The following LMBRD1 variants were observed in gnomAD, a reference collection of about 807,000 sequenced individuals.
The protein encoded by LMBRD1 is lysosomal cobalamin transport escort protein LMBD1.
Under a neutral mutation model 74.8 loss-of-function variants are expected in LMBRD1, and 64 were observed. The ratio of observed to expected loss-of-function variants is 0.86; its 90% CI spans 0.70 to 1.05. The LOEUF (loss-of-function observed/expected upper bound fraction) is 1.05, where lower values mean the gene tolerates loss of function less well. Ranked by LOEUF, LMBRD1 falls within the 50% of genes least tolerant of loss-of-function variation. The probability of loss-of-function intolerance (pLI) is 0.00; values close to 1 mark genes in which losing one functional copy is unlikely to be tolerated. For synonymous variants in LMBRD1, 204 were observed against 216.3 expected (o/e 0.94, Z 0.50); for missense variants, 652 against 645.9 (o/e 1.01, Z -0.10).
chr6:69,698,243 C>T lies in LMBRD1; in HGVS notation c.1339-602G>A, dbSNP rs79076157. Among the ~76,000 whole-genome samples the T allele has an allele frequency of 1.1e-4, 17 of 151,896 alleles. No individual in the cohort carries two copies. The East Asian group carries it at 3.1e-3, about 28-fold the overall frequency. ...ACACTCACCAATATTATGGATGGTA[C>T]TGATTGAGGGTTGATAGGTTCGTTA... On this transcript the variant is annotated intron_variant, in intron 13 of 15. Coordinates refer to ENST00000649934, the MANE Select transcript of LMBRD1 (RefSeq NM_018368.4).
intron 5 of LMBRD1, chr6:69,746,879 G>T: frequency 6.5e-6 from 1 of 153,334 alleles, no homozygotes; most frequent in South Asian, 1.9e-4. Context: ...GCCCCAGCAA[G>T]AGCACAACAG....
chr6:69,778,737 C>A (rs1765759089), intron 3 of LMBRD1, among the ~76,000 whole-genome samples: 1 of 151,920 alleles, frequency 6.6e-6, no homozygotes, highest in Non-Finnish European at 1.5e-5. Context: ...TTTAATAGGT[C>A]AAAATTGTAT....
chr6:69,678,015 C>T (rs1239781212), intron 14 of LMBRD1, among the ~76,000 whole-genome samples: 1 of 152,080 alleles, frequency 6.6e-6, no homozygotes, highest in Non-Finnish European at 1.5e-5. Flanking sequence ...TCAAGCAAAA[C>T]AGGTTAGAGT....
At chr6:69,784,597 T>C (rs1190658450) in intron 2 of LMBRD1, among the ~76,000 whole-genome samples, 1 of 152,168 alleles carries the variant, frequency 6.6e-6, no homozygotes, top group African/African-American at 2.4e-5. Flanking sequence ...AACAAAGAAT[T>C]ATCCAAGGCA....
At chr6:69,791,387 T>C (rs1015198082) in intron 1 of LMBRD1, among the ~76,000 whole-genome samples, 4 of 152,226 alleles carry the variant, frequency 2.6e-5, no homozygotes, top group South Asian at 2.1e-4. Context: ...CTGTGTTATT[T>C]CAGCCTTCAC....
intron 2 of LMBRD1, among the ~76,000 whole-genome samples, chr6:69,783,117 G>C (rs1228638830): frequency 6.6e-6 from 1 of 152,070 alleles, no homozygotes; most frequent in Non-Finnish European, 1.5e-5. Context: ...TTTAACACAT[G>C]TAATCTTTGT....
intron 14 of LMBRD1, among the ~76,000 whole-genome samples, chr6:69,694,434 A>T (rs933851334): frequency 2.0e-5 from 3 of 152,194 alleles, no homozygotes; most frequent in African/African-American, 4.8e-5. Context: ...CTTGTGATGT[A>T]CGTATACATT....
Position 69,701,948 on chromosome 6 carries a change from G to T in LMBRD1, c.921C>A (p.Val307=). The T allele has an allele frequency of 5.0e-6, 8 of 1,597,230 alleles. No individual in the cohort carries two copies. The highest frequency in any genetic ancestry group is 6.9e-6 in the Non-Finnish European group (8 of 1,165,842). ...CAACTAAGATGAAAAATATTCCCCAGACGATCTAAAAGCAAAAATATATTC... is the reference window on the plus strand; with the variant it reads ...CAACTAAGATGAAAAATATTCCCCATACGATCTAAAAGCAAAAATATATTC... The part of the protein sequence containing the change: ...FCGALRPLKI[V]WGIFFILVAL... The change falls in exon 10 of 16, where the codon GTC becomes GTA. Residue 307 remains valine (V), a synonymous_variant. Transcript: ENST00000649934.
chr6:69,727,899 T>C (rs944368696), intron 7 of LMBRD1, among the ~76,000 whole-genome samples: 11 of 152,264 alleles, frequency 7.2e-5, no homozygotes, highest in South Asian at 2.1e-4. Context: ...TTAAACATTA[T>C]TGATAAAAAG....
chr6:69,686,060 GAGA>G, intron 14 of LMBRD1, among the ~76,000 whole-genome samples: 1 of 152,094 alleles, frequency 6.6e-6, no homozygotes, highest in East Asian at 1.9e-4. Flanking sequence ...ATTAGGTGTG[GAGA>G]AGAAGCGAAT....
intron 7 of LMBRD1, among the ~76,000 whole-genome samples, chr6:69,726,185 C>T (rs967075537): frequency 1.3e-5 from 2 of 152,164 alleles, no homozygotes; most frequent in East Asian, 3.8e-4. Context: ...ATTATCATTT[C>T]ACTCTGATTA....
At position 69,790,474 on chromosome 6, in the gene LMBRD1, T is replaced by G. The variant is rs1766056076; in HGVS notation, c.70-2A>C. The G allele has an allele frequency of 6.2e-7, 1 of 1,613,480 alleles. No individual in the cohort carries two copies. Among genetic ancestry groups the G allele is most frequent in the African/African-American group, 1.3e-5 (1 of 74,926 alleles). On this transcript the variant is annotated splice_acceptor_variant, in intron 1 of 15. Coordinates refer to ENST00000649934, the MANE Select transcript of LMBRD1 (RefSeq NM_018368.4). LOFTEE classifies it high-confidence loss of function. ...TATCCAGCAGAATGCCAAAATAGCCTGAAATAGAACAAAAAGAGATGTTTG... is the reference window on the plus strand; with the variant it reads ...TATCCAGCAGAATGCCAAAATAGCCGGAAATAGAACAAAAAGAGATGTTTG...
intron 9 of LMBRD1, chr6:69,705,660 T>A (rs909107455): frequency 1.2e-6 from 1 of 845,352 alleles, no homozygotes; most frequent in Non-Finnish European, 2.0e-6. Context: ...TTCATCATTA[T>A]CATCATCATC....
chr6:69,711,989 C>G (rs1020053269), intron 9 of LMBRD1, among the ~76,000 whole-genome samples: 1 of 152,144 alleles, frequency 6.6e-6, no homozygotes, highest in African/African-American at 2.4e-5. Flanking sequence ...CTTCCTCCCA[C>G]CCTCCACCCT....
Position 69,786,249 on chromosome 6 carries a change from C to T in LMBRD1, c.246+4047G>A, listed in dbSNP as rs545136107. On this transcript the variant is annotated intron_variant, in intron 2 of 15. Transcript: ENST00000649934. The stretch of plus-strand genomic sequence containing the variant: ...AACATATTTAAGGTTCAATAAAGAG[C>T]ACAAAGTTCTAAGATACAGTTCCCA... Among the ~76,000 whole-genome samples, 7 of 152,122 alleles carry T rather than the reference C, an allele frequency of 4.6e-5. No individual in the cohort carries two copies. The South Asian group carries it at 6.2e-4, about 14-fold the overall frequency.
intron 5 of LMBRD1, among the ~76,000 whole-genome samples, chr6:69,742,714 G>A (rs529808584): frequency 1.3e-5 from 2 of 152,182 alleles, no homozygotes; most frequent in African/African-American, 2.4e-5. Flanking sequence ...CTGTTGTAAA[G>A]AGGAAATGAA....
intron 3 of LMBRD1, among the ~76,000 whole-genome samples, chr6:69,759,100 G>A (rs979693270): frequency 1.3e-5 from 2 of 152,110 alleles, no homozygotes; most frequent in African/African-American, 4.8e-5. Flanking sequence ...AAACCAGTAA[G>A]CAAGGTAAGA....
chr6:69,730,920 C>T (rs1174586859), intron 7 of LMBRD1, among the ~76,000 whole-genome samples: 2 of 152,022 alleles, frequency 1.3e-5, no homozygotes, highest in Non-Finnish European at 2.9e-5. Flanking sequence ...GAAACAACAG[C>T]AAAACATCTT....
chr6:69,720,746 A>G (rs560255960), intron 7 of LMBRD1, among the ~76,000 whole-genome samples: 80 of 152,310 alleles, frequency 5.3e-4, no homozygotes, highest in African/African-American at 1.9e-3. Context: ...CTACACACAG[A>G]AAAGTACTGT....
Sources: allele counts gnomAD v4.1 joint callset (sites outside exome capture counted in the v4.1 genomes callset), GRCh38; gene constraint gnomAD v4.1.1; transcripts MANE v1.5; gene names NCBI Gene and HGNC (gene_info 2026-07-23, HGNC 2026-07-21).